Variants in SCHIP1 observed in about 807,000 individuals in gnomAD.
SCHIP1 encodes the protein schwannomin-interacting protein 1.
A neutral mutation model predicts 29.7 loss-of-function variants in SCHIP1; 8 were observed. That is an observed-to-expected ratio of 0.27 (90% CI 0.16 to 0.49). The LOEUF is 0.49. SCHIP1 is among the 20% of genes least tolerant of loss of function. The pLI is 0.99. For missense variants in SCHIP1, 193 were observed against 294.6 expected (o/e 0.66, Z 2.52); for synonymous variants, 76 against 94.9 (o/e 0.80, Z 1.16).
At chr3:159,604,924 A>G in the SCHIP1 span, among the ~76,000 whole-genome samples, 1 of 152,246 alleles carries the variant, frequency 6.6e-6, no homozygotes, top group Non-Finnish European at 1.5e-5. Context: ...TAAAATGACC[A>G]AATTGTGAAA....
At chr3:159,468,449 A>C in the SCHIP1 span, among the ~76,000 whole-genome samples, 3 of 152,064 alleles carry the variant, frequency 2.0e-5, no homozygotes, top group Non-Finnish European at 2.9e-5. Context: ...AACCATTCAC[A>C]GAGTGATTTG....
chr3:159,396,651 A>C, the SCHIP1 span, among the ~76,000 whole-genome samples: 4 of 152,206 alleles, frequency 2.6e-5, no homozygotes, highest in East Asian at 1.9e-4. Flanking sequence ...TATTGGCCCC[A>C]ACTCTCCTCT....
chr3:159,723,581 T>A, the SCHIP1 span, among the ~76,000 whole-genome samples: 1 of 152,214 alleles, frequency 6.6e-6, no homozygotes, highest in Non-Finnish European at 1.5e-5. Context: ...TTAAATTAGT[T>A]CTGTTCTTCA....
At chr3:159,683,804 T>C in the SCHIP1 span, among the ~76,000 whole-genome samples, 1 of 152,372 alleles carries the variant, frequency 6.6e-6, no homozygotes, top group South Asian at 2.1e-4. Flanking sequence ...ACATGAAGTT[T>C]ATCTGAAGAT....
chr3:159,503,798 C>G, the SCHIP1 span, among the ~76,000 whole-genome samples: 7 of 152,270 alleles, frequency 4.6e-5, no homozygotes, highest in South Asian at 1.5e-3. Flanking sequence ...TTAGAGAAAC[C>G]TCCAGAGTCA....
chr3:159,301,486 A>T, the SCHIP1 span, among the ~76,000 whole-genome samples: 1 of 152,172 alleles, frequency 6.6e-6, no homozygotes, highest in Non-Finnish European at 1.5e-5. Flanking sequence ...AGGTCATAGA[A>T]TTCTCACGTT....
At chr3:159,526,818 G>T in the SCHIP1 span, among the ~76,000 whole-genome samples, 1 of 152,146 alleles carries the variant, frequency 6.6e-6, no homozygotes, top group Non-Finnish European at 1.5e-5. Context: ...GAGAAAAGTG[G>T]ACATTCTGCA....
the SCHIP1 span, among the ~76,000 whole-genome samples, chr3:159,828,462 T>TACGTATATATAC: frequency 1.1e-5 from 1 of 90,662 alleles, no homozygotes; most frequent in African/African-American, 5.9e-5. Flanking sequence ...CGTATATATA[T>TACGTATATATAC]GTATATATAC....
At chr3:159,657,993 T>C in the SCHIP1 span, among the ~76,000 whole-genome samples, 37 of 152,258 alleles carry the variant, frequency 2.4e-4, no homozygotes, top group South Asian at 3.1e-3. Context: ...CTAATGCCAT[T>C]GATGTCCGGC....
At chr3:159,423,805 C>A in the SCHIP1 span, among the ~76,000 whole-genome samples, 10 of 152,050 alleles carry the variant, frequency 6.6e-5, no homozygotes, top group African/African-American at 2.4e-4. Context: ...CTGGGAGGCA[C>A]CCCCCAGTAG....
At chr3:159,598,390 G>A in the SCHIP1 span, among the ~76,000 whole-genome samples, 2 of 152,164 alleles carry the variant, frequency 1.3e-5, no homozygotes, top group East Asian at 1.9e-4. Context: ...GATACAATGG[G>A]TGTGCAGGCA....
At chr3:159,349,692 A>G in the SCHIP1 span, among the ~76,000 whole-genome samples, 2 of 152,288 alleles carry the variant, frequency 1.3e-5, no homozygotes, top group South Asian at 2.1e-4. Flanking sequence ...CATGATAGAG[A>G]AAGTGACAAC....
At chr3:159,431,532 T>C in the SCHIP1 span, among the ~76,000 whole-genome samples, 1 of 151,990 alleles carries the variant, frequency 6.6e-6, no homozygotes, top group East Asian at 1.9e-4. Context: ...TCCAAATTAC[T>C]ATAATAGAGG....
chr3:159,504,153 A>G, the SCHIP1 span, among the ~76,000 whole-genome samples: 1 of 152,204 alleles, frequency 6.6e-6, no homozygotes, highest in African/African-American at 2.4e-5. Context: ...TGGAGGAAAG[A>G]TGATAGGAGC....
chr3:159,758,888 G>A, the SCHIP1 span, among the ~76,000 whole-genome samples: 1 of 152,246 alleles, frequency 6.6e-6, no homozygotes, highest in Non-Finnish European at 1.5e-5. Flanking sequence ...CTCTGCTGCA[G>A]CTAGGGTTGC....
At chr3:159,868,866 G>A (rs894199490) in intron 2 of SCHIP1, among the ~76,000 whole-genome samples, 2 of 152,044 alleles carry the variant, frequency 1.3e-5, no homozygotes, top group African/African-American at 2.4e-5. Context: ...AGAATATAAT[G>A]TCAAACTGTT....
the SCHIP1 span, among the ~76,000 whole-genome samples, chr3:159,358,670 A>G: frequency 6.6e-6 from 1 of 152,196 alleles, no homozygotes; most frequent in African/African-American, 2.4e-5. Context: ...GGAGAGTTTC[A>G]AAGATATGTG....
chr3:159,273,798 G>T, the SCHIP1 span: 2 of 1,612,566 alleles, frequency 1.2e-6, no homozygotes, highest in Admixed American at 3.3e-5. Flanking sequence ...CTCTCAAATG[G>T]GCAAGAGTAA....
the SCHIP1 span, among the ~76,000 whole-genome samples, chr3:159,562,348 A>T: frequency 1.1e-4 from 16 of 152,202 alleles, no homozygotes; most frequent in Admixed American, 9.8e-4. Context: ...TTTGTAACCA[A>T]GTTATGTTCC....
Sources: allele counts gnomAD v4.1 joint callset (sites outside exome capture counted in the v4.1 genomes callset), GRCh38; gene constraint gnomAD v4.1.1; transcripts MANE v1.5; gene names NCBI Gene and HGNC (gene_info 2026-07-23, HGNC 2026-07-21).